The following CYP2S1 variants were observed in gnomAD, a reference collection of about 807,000 sequenced individuals.
The protein encoded by CYP2S1 is cytochrome P450 family 2 subfamily S member 1.
In CYP2S1, 32 loss-of-function variants were observed where a neutral mutation model predicts 43.5. That is an observed-to-expected ratio of 0.74 (90% CI 0.56 to 0.99). The LOEUF (loss-of-function observed/expected upper bound fraction) is 0.99, where lower values mean the gene tolerates loss of function less well. Among genes scored for constraint, CYP2S1 ranks in the 50% least tolerant of loss-of-function variants. The pLI, the probability that CYP2S1 is intolerant of heterozygous loss-of-function variation, is 0.00. For missense variants in CYP2S1, 575 were observed against 673.9 expected (o/e 0.85, Z 1.62); for synonymous variants, 283 against 302.9 (o/e 0.93, Z 0.68).
intron 2 of CYP2S1, among the ~76,000 whole-genome samples, chr19:41,195,313 C>T (rs572387588): frequency 2.0e-5 from 3 of 152,234 alleles, no homozygotes; most frequent in Middle Eastern, 3.4e-3. Flanking sequence ...GGCAAGCCCT[C>T]GAATAATAGA....
chr19:41,198,847 G>A lies in CYP2S1; in HGVS notation c.793G>A (p.Ala265Thr), dbSNP rs372019122. The A allele has an allele frequency of 8.4e-5, 136 of 1,613,894 alleles. No individual in the cohort carries two copies. The highest frequency in any genetic ancestry group is 1.1e-4 in the Non-Finnish European group (133 of 1,179,920). Reference protein sequence around the residue: ...HQGNLDASGPARDLVDAFLLK... With the variant: ...HQGNLDASGPTRDLVDAFLLK... Reference sequence around the variant, plus strand: ...GGGGAACCTGGATGCTTCGGGCCCCGCACGTGACCTTGTCGATGCCTTCCT... The same window carrying A: ...GGGGAACCTGGATGCTTCGGGCCCCACACGTGACCTTGTCGATGCCTTCCT... The change falls in exon 5 of 9, where the codon GCA becomes ACA. Residue 265 changes from alanine (A) to threonine (T), a missense_variant. This residue lies in a region of CYP2S1 where 353 missense variants were observed against 367.6 expected (regional missense o/e 0.96). Coordinates refer to ENST00000310054, the MANE Select transcript of CYP2S1 (RefSeq NM_030622.8). The surrounding 1 kb of genome is among the most constrained non-coding windows in gnomAD (Gnocchi z 4.9).
rs2033362408 is a variant in CYP2S1, at chr19:41,193,245, GA to G, written c.-18del. 1.3e-6 allele frequency: 2 copies of G among 1,524,966 alleles called. No individual in the cohort carries two copies. Among genetic ancestry groups the G allele is most frequent in the African/African-American group, 2.8e-5 (2 of 71,038 alleles). The allele number at this position is 1,524,966 out of a possible 1,614,324, so 94.5% of individuals were successfully genotyped here. ...GCCGCGCGGAGCGCCTGGGAGAGGA[GA>G]AGGAGCCGACCTGCCGAGATGGAGG... On this transcript the variant is annotated 5_prime_UTR_variant, in exon 1 of 9. Coordinates refer to ENST00000310054, the MANE Select transcript of CYP2S1 (RefSeq NM_030622.8).
intron 2 of CYP2S1, among the ~76,000 whole-genome samples, chr19:41,197,027 C>A (rs1390291448): frequency 6.6e-6 from 1 of 152,076 alleles, no homozygotes; most frequent in African/African-American, 2.4e-5. Flanking sequence ...GAAACCCCAT[C>A]TCTACTGAAG....
At chr19:41,197,428 C>T (rs968483620) in intron 2 of CYP2S1, among the ~76,000 whole-genome samples, 2 of 151,752 alleles carry the variant, frequency 1.3e-5, no homozygotes, top group South Asian at 2.1e-4. Flanking sequence ...CGGCCGGGCG[C>T]GGTGGCTCAC....
chr19:41,197,120 G>T (rs1453686927), intron 2 of CYP2S1, among the ~76,000 whole-genome samples: 1 of 152,080 alleles, frequency 6.6e-6, no homozygotes, highest in Non-Finnish European at 1.5e-5. Flanking sequence ...GCTTGAACCC[G>T]AGAGGCAGAG....
rs551368813 is a variant in CYP2S1 at position 41,200,372 on chromosome 19, C to A, written c.835-859C>A. On this transcript the variant is annotated intron_variant, in intron 5 of 8. Coordinates refer to ENST00000310054, the MANE Select transcript of CYP2S1 (RefSeq NM_030622.8). ...TGTTCCTCCCTCCTCCAACCCCTGGCAATCACCTTTTTTTTTTTGAGATGA... is the reference window on the plus strand; with the variant it reads ...TGTTCCTCCCTCCTCCAACCCCTGGAAATCACCTTTTTTTTTTTGAGATGA... Among the ~76,000 whole-genome samples, 38 of 151,988 alleles carry A rather than the reference C, an allele frequency of 2.5e-4. No homozygotes were observed. The East Asian group carries it at 6.4e-3, about 26-fold the overall frequency.
In CYP2S1 at chr19:41,197,747, C is replaced by T. The variant is rs374981140; in HGVS notation, c.344-32C>T. The T allele has an allele frequency of 5.3e-5, 85 of 1,610,090 alleles. No homozygotes were observed. The African/African-American group carries it at 7.9e-4, about 15-fold the overall frequency. ...AGAAGGGGGAATGGGGGAGAGGGGC[C>T]GGTCCCTTTTTGAGTCTAGCCTTCT... On this transcript the variant is annotated intron_variant, in intron 2 of 8. Transcript: ENST00000310054.
At chr19:41,202,994 G>A (rs1258967533) in intron 6 of CYP2S1, among the ~76,000 whole-genome samples, 2 of 151,944 alleles carry the variant, frequency 1.3e-5, no homozygotes, top group East Asian at 3.9e-4. Context: ...CCAGCTACTC[G>A]GGAGGCTGAG....
At chr19:41,203,974 G>T (rs2033528758) in intron 7 of CYP2S1, among the ~76,000 whole-genome samples, 1 of 151,882 alleles carries the variant, frequency 6.6e-6, no homozygotes, top group Non-Finnish European at 1.5e-5. Context: ...TGATTCTCCT[G>T]CCTCAGCCTC....
intron 2 of CYP2S1, among the ~76,000 whole-genome samples, chr19:41,196,816 G>T (rs1205595233): frequency 3.3e-5 from 5 of 152,072 alleles, no homozygotes; most frequent in African/African-American, 4.8e-5. Context: ...AACTACATGG[G>T]GCACAGGACC....
In CYP2S1 at chr19:41,206,557, G is replaced by T; in HGVS notation, c.*69G>T. The T allele has an allele frequency of 5.1e-6, 8 of 1,574,080 alleles. No individual in the cohort carries two copies. Among genetic ancestry groups the T allele is most frequent in the Non-Finnish European group, 7.0e-6 (8 of 1,144,948 alleles). On this transcript the variant is annotated 3_prime_UTR_variant, in exon 9 of 9. Coordinates refer to ENST00000310054, the MANE Select transcript of CYP2S1 (RefSeq NM_030622.8). ...CAGCCTCAACAGTGGGCATGGACAG[G>T]GTTAATGTCTCCAGAGTGTACACTG...
Position 41,194,703 on chromosome 19 carries a change from G to GGCCATGGTC in CYP2S1, c.343+2_343+3insCGCCATGGT. 1 of 1,610,894 alleles carries GGCCATGGTC rather than the reference G, an allele frequency of 6.2e-7. No individual in the cohort carries two copies. Among genetic ancestry groups the GGCCATGGTC allele is most frequent in the Non-Finnish European group, 8.5e-7 (1 of 1,178,836 alleles). The stretch of plus-strand genomic sequence containing the variant: ...AGCGATGCTGGAAGGGACTTTTGAT[G>GGCCATGGTC]GCCATGGTAAGTCAAGGGCTGCTAG... On this transcript the variant is annotated inframe_insertion, in exon 2 of 9. Coordinates refer to ENST00000310054, the MANE Select transcript of CYP2S1 (RefSeq NM_030622.8).
intron 7 of CYP2S1, among the ~76,000 whole-genome samples, chr19:41,204,577 CT>C (rs2033537709): frequency 6.8e-6 from 1 of 146,262 alleles, no homozygotes; most frequent in African/African-American, 2.5e-5. Context: ...CTGCTATTTT[CT>C]TTTTCTTCTT....
At position 41,198,741 on chromosome 19, in the gene CYP2S1, C is replaced by T. The variant is rs1324616889; in HGVS notation, c.687C>T (p.Pro229=). Residue 229 remains proline (P), a synonymous_variant, in exon 5 of 9, where the codon CCC becomes CCT. Transcript: ENST00000310054. The surrounding 1 kb of genome is among the most constrained non-coding windows in gnomAD (Gnocchi z 4.9). ...AGATGTTCTCCTGGTTCCTGCGGCC[C>T]CTGCCAGGCCCCCACAAGCAGCTCC... ...TYEMFSWFLR[P]LPGPHKQLLH... 7 of 1,614,056 alleles carry T rather than the reference C, an allele frequency of 4.3e-6. No homozygotes were observed. Among genetic ancestry groups the T allele is most frequent in the Non-Finnish European group, 5.9e-6 (7 of 1,180,028 alleles).
chr19:41,206,378 C>A lies in CYP2S1; in HGVS notation c.1405C>A (p.Pro469Thr). Reference protein sequence around the residue: ...QAFSLESPCPPDTLSLKPTVS... With the variant: ...QAFSLESPCPTDTLSLKPTVS... ...CTTCTCCCTGGAGAGCCCGTGCCCGCCGGACACCCTGAGCCTCAAGCCCAC... is the reference window on the plus strand; with the variant it reads ...CTTCTCCCTGGAGAGCCCGTGCCCGACGGACACCCTGAGCCTCAAGCCCAC... The change falls in exon 9 of 9, where the codon CCG becomes ACG. Residue 469 changes from proline to threonine, a missense_variant. Transcript: ENST00000310054. The A allele has an allele frequency of 6.2e-7, 1 of 1,614,160 alleles. No individual in the cohort carries two copies. Among genetic ancestry groups the A allele is most frequent in the Non-Finnish European group, 8.5e-7 (1 of 1,180,032 alleles).
At chr19:41,205,424 CTCTCTCT>C (rs1173722001) in intron 7 of CYP2S1, among the ~76,000 whole-genome samples, 1 of 34,976 alleles carries the variant, frequency 2.9e-5, no homozygotes, top group Non-Finnish European at 4.8e-5. Context: ...TTCTTTCTCT[CTCTCTCT>C]CTTTCTTTCT....
In CYP2S1 at chr19:41,201,335, T is replaced by C. The variant is rs1413729750; in HGVS notation, c.939T>C (p.Tyr313=). The change falls in exon 6 of 9, where the codon TAT becomes TAC. Residue 313 remains tyrosine (Y), a synonymous_variant. Transcript: ENST00000310054. The part of the protein sequence containing the change: ...GTMTVSTTVG[Y]TLLLLMKYPH... ...TGACGGTCAGCACCACGGTCGGCTA[T>C]ACCCTCCTGCTCCTGATGAAATACC... is the stretch of plus-strand genomic sequence containing the variant. The C allele has an allele frequency of 6.2e-7, 1 of 1,614,206 alleles. No individual in the cohort carries two copies. The highest frequency in any genetic ancestry group is 2.2e-5 in the East Asian group (1 of 44,876).
rs2033437380 is a variant in CYP2S1 at position 41,198,023 on chromosome 19, T to C, written c.493+95T>C. 1.4e-6 allele frequency: 2 copies of C among 1,464,634 alleles called. No homozygotes were observed. Among genetic ancestry groups the C allele is most frequent in the African/African-American group, 1.4e-5 (1 of 70,454 alleles). The allele number at this position is 1,464,634 out of a possible 1,614,324, so 90.7% of individuals were successfully genotyped here. A position where few individuals can be genotyped will look rare whatever the true frequency, so the allele number is the denominator to read the frequency against. ...GGTGGCCCCAACCCAGGTCCTGGAA[T>C]GGGCAGGAGGGGAAGCCTTGAACTC... On this transcript the variant is annotated intron_variant, in intron 3 of 8. Transcript: ENST00000310054. The surrounding 1 kb of genome is among the most constrained non-coding windows in gnomAD (Gnocchi z 4.9).
chr19:41,205,498 C>G (rs899308441), intron 7 of CYP2S1, among the ~76,000 whole-genome samples: 1 of 149,640 alleles, frequency 6.7e-6, no homozygotes, highest in Admixed American at 6.8e-5. Context: ...TCCCTTCCTC[C>G]CTTCCTCCCT....
Sources: allele counts gnomAD v4.1 joint callset (sites outside exome capture counted in the v4.1 genomes callset), GRCh38; gene constraint gnomAD v4.1.1; regional missense constraint gnomAD v4.1.1; non-coding constraint Gnocchi (gnomAD v3.1); transcripts MANE v1.5; gene names NCBI Gene and HGNC (gene_info 2026-07-23, HGNC 2026-07-21).